The following GPCPD1 variants were observed in gnomAD, a reference collection of about 807,000 sequenced individuals.
GPCPD1 encodes the protein glycerophosphocholine phosphodiesterase 1.
A neutral mutation model predicts 89.2 loss-of-function variants in GPCPD1; 29 were observed. The ratio of observed to expected loss-of-function variants is 0.33; its 90% CI spans 0.24 to 0.44. GPCPD1 has a LOEUF of 0.44. Among genes scored for constraint, GPCPD1 ranks in the 20% least tolerant of loss-of-function variants. The pLI, the probability that GPCPD1 is intolerant of heterozygous loss-of-function variation, is 1.00. For missense variants in GPCPD1, 594 were observed against 808.9 expected (o/e 0.73, Z 3.22); for synonymous variants, 258 against 266.3 (o/e 0.97, Z 0.30).
chr20:5,599,493 TGA>T (rs1183348164), intron 2 of GPCPD1, among the ~76,000 whole-genome samples: 3 of 152,074 alleles, frequency 2.0e-5, no homozygotes, highest in African/African-American at 4.8e-5. Flanking sequence ...AAACTGTCAA[TGA>T]GAGAGCAGAA....
Position 5,558,122 on chromosome 20 carries a change from T to A in GPCPD1, c.1669-17A>T. 1 of 1,521,002 alleles carries A rather than the reference T, an allele frequency of 6.6e-7. No individual in the cohort carries two copies. Among genetic ancestry groups the A allele is most frequent in the Non-Finnish European group, 9.0e-7 (1 of 1,116,766 alleles). The allele number at this position is 1,521,002 out of a possible 1,614,324, so 94.2% of individuals were successfully genotyped here. ...ATTTATCCCCTAGAAGAAGAAAAAT[T>A]AGTTGTGCATGAAAAAGAAACATTA... On this transcript the variant is annotated splice_polypyrimidine_tract_variant and intron_variant, in intron 18 of 19. Transcript: ENST00000379019.
chr20:5,585,630 A>C (rs538333129), intron 5 of GPCPD1: 1 of 149,306 alleles, frequency 6.7e-6, no homozygotes, highest in African/African-American at 2.4e-5. Flanking sequence ...AAAAAAGACA[A>C]AAAAAAAAAA....
chr20:5,604,368 T>A lies in GPCPD1; in HGVS notation c.45A>T (p.Leu15Phe). The change falls in exon 2 of 20, where the codon TTA (leucine) becomes TTT (phenylalanine). Residue 15 changes from leucine to phenylalanine, a missense_variant. Leu to Phe is a conservative substitution (Grantham distance 22). Coordinates refer to ENST00000379019, the MANE Select transcript of GPCPD1 (RefSeq NM_019593.5). Reference protein sequence around the residue: ...QVAFEIRGTLLPGEVFAICGS... With the variant: ...QVAFEIRGTLFPGEVFAICGS... The stretch of plus-strand genomic sequence containing the variant: ...AAAGTAAAACTTTTACAATACCTGG[T>A]AAAAGAGTTCCTCTTATTTCAAAGG... 1 of 1,456,336 alleles carries A rather than the reference T, an allele frequency of 6.9e-7. No homozygotes were observed. The highest frequency in any genetic ancestry group is 1.2e-5 in the South Asian group (1 of 86,372). 90.2% of individuals were successfully genotyped at this position (1,456,336 alleles called of 1,614,324 possible).
intron 19 of GPCPD1, chr20:5,549,495 G>C: frequency 8.5e-7 from 1 of 1,174,908 alleles, no homozygotes; most frequent in Non-Finnish European, 1.2e-6. Flanking sequence ...GACACCTTCT[G>C]AGTATTCTTC....
In GPCPD1 at chr20:5,552,538, A is replaced by G. The variant is rs558891478; in HGVS notation, c.1830-4688T>C. On this transcript the variant is annotated intron_variant, in intron 19 of 19. Coordinates refer to ENST00000379019, the MANE Select transcript of GPCPD1 (RefSeq NM_019593.5). ...ACAAAACCATAAATGATATAATCTCATAATATACTTCCTTGTCAGAAAATA... is the reference window on the plus strand; with the variant it reads ...ACAAAACCATAAATGATATAATCTCGTAATATACTTCCTTGTCAGAAAATA... Among the ~76,000 whole-genome samples the G allele has an allele frequency of 5.2e-4, 79 of 152,350 alleles. 2 individuals carry two copies. Among genetic ancestry groups the G allele is most frequent in the African/African-American group, 1.7e-3 (72 of 41,572 alleles).
At chr20:5,563,623 C>T (rs563262383) in intron 15 of GPCPD1, among the ~76,000 whole-genome samples, 1 of 152,058 alleles carries the variant, frequency 6.6e-6, no homozygotes, top group Non-Finnish European at 1.5e-5. Context: ...GTCTGCCTGC[C>T]CTGGCCTCCC....
chr20:5,594,765 T>G (rs1016790641), intron 3 of GPCPD1, among the ~76,000 whole-genome samples: 1 of 152,248 alleles, frequency 6.6e-6, no homozygotes, highest in Non-Finnish European at 1.5e-5. Context: ...TATAGCTCAT[T>G]GTATTGCACT....
At chr20:5,566,625 T>C (rs1477971519) in intron 14 of GPCPD1, 108 bp downstream of exon 14, 1 of 725,234 alleles carries the variant, frequency 1.4e-6, no homozygotes, top group African/African-American at 1.8e-5. Flanking sequence ...AGGCCCAGTA[T>C]TATACTCATA....
In GPCPD1 at chr20:5,578,397, T is replaced by C; in HGVS notation, c.688A>G (p.Ile230Val). Residue 230 changes from isoleucine to valine, a missense_variant, in exon 8 of 20, where the codon ATC becomes GTC. By Grantham distance (29) the Ile-to-Val change is conservative. Coordinates refer to ENST00000379019, the MANE Select transcript of GPCPD1 (RefSeq NM_019593.5). ...QTMEPDNLELIFDFFEEDLSE... is the reference protein window; with the variant it reads ...QTMEPDNLELVFDFFEEDLSE... ...CTACTCACTTCGAAAAAATCAAAGA[T>C]TAGTTCCAGGTTATCTGGTTCCATC... 1 of 1,607,682 alleles carries C rather than the reference T, an allele frequency of 6.2e-7. No homozygotes were observed. Among genetic ancestry groups the C allele is most frequent in the South Asian group, 1.1e-5 (1 of 90,974 alleles).
intron 6 of GPCPD1, among the ~76,000 whole-genome samples, chr20:5,582,405 G>T (rs962716845): frequency 1.3e-5 from 2 of 152,108 alleles, no homozygotes; most frequent in African/African-American, 4.8e-5. Context: ...GCCAGAGCAT[G>T]TTCATTTCTA....
At chr20:5,606,604 G>A (rs755307990) in intron 1 of GPCPD1, among the ~76,000 whole-genome samples, 4 of 152,120 alleles carry the variant, frequency 2.6e-5, no homozygotes, top group Non-Finnish European at 5.9e-5. Context: ...ATTTGGTAAT[G>A]CCAGGAGGCA....
chr20:5,574,150 C>T, intron 10 of GPCPD1, 181 bp from the exon 11 acceptor site: 1 of 588,806 alleles, frequency 1.7e-6, no homozygotes, highest in Non-Finnish European at 3.0e-6. Context: ...TAAATGCAAG[C>T]TCTGACAATG....
rs150830323 is a variant in GPCPD1 at position 5,587,514 on chromosome 20, C to T, written c.232-1245G>A. ...TCCTGAGTAGCTGGAATTAAAGGCA[C>T]GTGCCACCACACCCAGGTAATTTTT... On this transcript the variant is annotated intron_variant, in intron 4 of 19. Transcript: ENST00000379019. Among the ~76,000 whole-genome samples the T allele has an allele frequency of 6.8e-3, 1,031 of 152,120 alleles. 13 individuals carry two copies. Among genetic ancestry groups the T allele is most frequent in the African/African-American group, 0.024 (976 of 41,498 alleles).
intron 7 of GPCPD1, 76 bp downstream of exon 7, chr20:5,579,932 C>A: frequency 1.1e-6 from 1 of 912,566 alleles, no homozygotes; most frequent in South Asian, 1.6e-5. Flanking sequence ...CACTTAAAGG[C>A]TAAAACCAAT....
At chr20:5,576,025 TTACA>T (rs776663417) in intron 8 of GPCPD1, 47 bp from the exon 9 acceptor site, 102 of 980,588 alleles carry the variant, frequency 1.0e-4, no homozygotes, top group Middle Eastern at 9.6e-4. Flanking sequence ...AACTTCTACA[TTACA>T]TACATACATA....
rs1984983579 is a variant in GPCPD1 at position 5,545,406 on chromosome 20, C to A, written c.*2255G>T. On this transcript the variant is annotated 3_prime_UTR_variant, in exon 20 of 20. Transcript: ENST00000379019. ...AGAACAGAATTACTGTGATGCACAG[C>A]CTGATCAAGGTACGAGCCGTGGAGC... 6.6e-6 allele frequency: 1 copy of A among 152,182 alleles called. No individual in the cohort carries two copies. Among genetic ancestry groups the A allele is most frequent in the Non-Finnish European group, 1.5e-5 (1 of 68,058 alleles). The allele number at this position is 152,182 out of a possible 1,614,324, so 9.4% of individuals were successfully genotyped here.
At chr20:5,603,730 G>T (rs948933720) in intron 2 of GPCPD1, among the ~76,000 whole-genome samples, 4 of 149,938 alleles carry the variant, frequency 2.7e-5, no homozygotes, top group Non-Finnish European at 5.9e-5. Context: ...CCAGCCAATT[G>T]TTTCACCAAC....
At chr20:5,568,364 A>C (rs1986521749) in intron 12 of GPCPD1, among the ~76,000 whole-genome samples, 1 of 151,888 alleles carries the variant, frequency 6.6e-6, no homozygotes, top group Admixed American at 6.6e-5. Flanking sequence ...AAAGTAAGAC[A>C]GTAAGAACAA....
chr20:5,570,220 A>C lies in GPCPD1; in HGVS notation c.1076T>G (p.Phe359Cys), dbSNP rs1384115077. Residue 359 changes from phenylalanine to cysteine, a missense_variant, in exon 12 of 20, where the codon TTT (phenylalanine) becomes TGT (cysteine). Coordinates refer to ENST00000379019, the MANE Select transcript of GPCPD1 (RefSeq NM_019593.5). ...AAAGTCCTTTGAAAGGTGTACGTCA[A>C]ATTCTACAAAGGCTGCACCCTGACA... is the stretch of plus-strand genomic sequence containing the variant. ...AASHGAAFVEFDVHLSKDFVP... is the reference protein window; with the variant it reads ...AASHGAAFVECDVHLSKDFVP... 1 of 1,580,688 alleles carries C rather than the reference A, an allele frequency of 6.3e-7. No individual in the cohort carries two copies. Among genetic ancestry groups the C allele is most frequent in the Admixed American group, 1.7e-5 (1 of 59,738 alleles).
Sources: allele counts gnomAD v4.1 joint callset (sites outside exome capture counted in the v4.1 genomes callset), GRCh38; gene constraint gnomAD v4.1.1; transcripts MANE v1.5; gene names NCBI Gene and HGNC (gene_info 2026-07-23, HGNC 2026-07-21).